Variants in COL4A4 observed in about 807,000 individuals in gnomAD.
The protein encoded by COL4A4 is collagen alpha-4(IV) chain.
Under a neutral mutation model 192.9 loss-of-function variants are expected in COL4A4, and 105 were observed. The observed-to-expected ratio is 0.54, with a 90% CI of 0.46 to 0.64. COL4A4 has a LOEUF of 0.64. Among genes scored for constraint, COL4A4 ranks in the 30% least tolerant of loss-of-function variants. The probability of loss-of-function intolerance (pLI) is 0.00; values close to 1 mark genes in which losing one functional copy is unlikely to be tolerated. For missense variants in COL4A4, 1,967 were observed against 2,169.3 expected (o/e 0.91, Z 1.85); for synonymous variants, 762 against 769.9 (o/e 0.99, Z 0.17).
chr2:227,157,289 C>A (rs923721615), intron 1 of COL4A4, among the ~76,000 whole-genome samples: 7 of 152,014 alleles, frequency 4.6e-5, no homozygotes, highest in African/African-American at 1.7e-4. Flanking sequence ...TTATAGGATG[C>A]AACTAACCCA....
chr2:227,030,348 G>T, intron 41 of COL4A4, 95 bp downstream of exon 41: 1 of 1,354,662 alleles, frequency 7.4e-7, no homozygotes, highest in South Asian at 1.2e-5. Context: ...CACTTTGTTT[G>T]CATAGGAAAT....
chr2:227,069,810 C>T (rs1261730198), intron 25 of COL4A4, among the ~76,000 whole-genome samples: 2 of 151,076 alleles, frequency 1.3e-5, no homozygotes, highest in Non-Finnish European at 3.0e-5. Flanking sequence ...TAGGCATGGG[C>T]AAGGACTTCA....
chr2:227,113,421 A>G (rs1261380909), intron 8 of COL4A4, among the ~76,000 whole-genome samples: 1 of 152,178 alleles, frequency 6.6e-6, no homozygotes, highest in Non-Finnish European at 1.5e-5. Flanking sequence ...CCACAATTAC[A>G]AAAAAATGCT....
chr2:227,096,764 T>C (rs2060224953), intron 19 of COL4A4, among the ~76,000 whole-genome samples: 1 of 152,208 alleles, frequency 6.6e-6, no homozygotes, highest in Non-Finnish European at 1.5e-5. Flanking sequence ...TTCTAGTTCA[T>C]AGTGCAAATG....
In COL4A4 at chr2:227,032,072, TC is replaced by T; in HGVS notation, c.3707-18del. On this transcript the variant is annotated intron_variant, in intron 39 of 47. Transcript: ENST00000396625. ...CTGAACTCCCTAAGAAGAGACATGT[TC>T]ACATGTTATCCTCATTGCATTTGGA... 1 of 1,613,218 alleles carries T rather than the reference TC, an allele frequency of 6.2e-7. No homozygotes were observed. The highest frequency in any genetic ancestry group is 8.5e-7 in the Non-Finnish European group (1 of 1,179,134).
Position 227,119,883 on chromosome 2 carries a change from A to G in COL4A4, c.372+12T>C, listed in dbSNP as rs761455430. 1.9e-6 allele frequency: 3 copies of G among 1,574,870 alleles called. No individual in the cohort carries two copies. Among genetic ancestry groups the G allele is most frequent in the South Asian group, 1.2e-5 (1 of 82,358 alleles). ...TTTTTGAAAAAAGTGGAGAAAATTT[A>G]GGGATACTTACAGGTATGCCATCTA... On this transcript the variant is annotated intron_variant, in intron 6 of 47. Transcript: ENST00000396625.
At chr2:227,052,243 A>T in intron 32 of COL4A4, 62 bp downstream of exon 32, 1 of 1,030,504 alleles carries the variant, frequency 9.7e-7, no homozygotes, top group Non-Finnish European at 1.5e-6. Flanking sequence ...AAGTTGCCTA[A>T]CAAATGTGAT....
chr2:227,002,212 A>C (rs1245908735), downstream of COL4A4, among the ~76,000 whole-genome samples: 2 of 151,530 alleles, frequency 1.3e-5, no homozygotes, highest in African/African-American at 4.9e-5. Flanking sequence ...CAGTTATTGA[A>C]TATCTGCACT....
At chr2:226,996,565 T>C in the COL4A4 span, 1 of 152,220 alleles carries the variant, frequency 6.6e-6, no homozygotes, top group Non-Finnish European at 1.5e-5. Context: ...AGAGATATTT[T>C]AAAAGAGAGA....
intron 25 of COL4A4, among the ~76,000 whole-genome samples, chr2:227,065,616 C>T (rs1216898068): frequency 6.6e-6 from 1 of 152,194 alleles, no homozygotes; most frequent in Non-Finnish European, 1.5e-5. Flanking sequence ...CCAGCAGGGG[C>T]AGACTGACAC....
chr2:227,041,873 A>G (rs1576028576), intron 37 of COL4A4, among the ~76,000 whole-genome samples: 1 of 141,884 alleles, frequency 7.0e-6, no homozygotes, highest in African/African-American at 2.8e-5. Context: ...AAAGAAAGAA[A>G]GAAAGAAAGA....
chr2:227,008,266 G>A lies in COL4A4; in HGVS notation c.4561C>T (p.Pro1521Ser). 6.2e-7 allele frequency: 1 copy of A among 1,614,266 alleles called. No individual in the cohort carries two copies. The highest frequency in any genetic ancestry group is 8.5e-7 in the Non-Finnish European group (1 of 1,180,046). The change falls in exon 47 of 48, where the codon CCC (proline) becomes TCC (serine). Residue 1521 changes from proline to serine, a missense_variant. By Grantham distance (74) the Pro-to-Ser change is moderately conservative. Coordinates refer to ENST00000396625, the MANE Select transcript of COL4A4 (RefSeq NM_000092.5). Reference protein sequence around the residue: ...GSCLPVFSTLPFAYCNIHQVC... With the variant: ...GSCLPVFSTLSFAYCNIHQVC... Reference sequence around the variant, plus strand: ...TGGTGGATGTTGCAGTAGGCAAAGGGCAGCGTGCTAAATACGGGAAGGCAA... The same window carrying A: ...TGGTGGATGTTGCAGTAGGCAAAGGACAGCGTGCTAAATACGGGAAGGCAA...
chr2:227,029,573 G>C (rs1401024682), intron 41 of COL4A4, among the ~76,000 whole-genome samples: 1 of 152,134 alleles, frequency 6.6e-6, no homozygotes. Flanking sequence ...ACTCAGGCAA[G>C]GTGCTCGTTA....
Position 227,023,237 on chromosome 2 carries a change from T to A in COL4A4, c.4091-1064A>T, listed in dbSNP as rs538945125. On this transcript the variant is annotated intron_variant, in intron 43 of 47. Transcript: ENST00000396625. ...GGGTGGATCACTTGAGATCAGGAGT[T>A]TGAGACCAGCCTGGCCAACATGGTG... 4.0e-3 allele frequency among the ~76,000 whole-genome samples: 601 copies of A among 151,536 alleles called. 3 individuals are homozygous for A. The highest frequency in any genetic ancestry group is 0.014 in the African/African-American group (564 of 41,260).
At chr2:227,071,750 C>G (rs748932771) in intron 25 of COL4A4, among the ~76,000 whole-genome samples, 2 of 152,068 alleles carry the variant, frequency 1.3e-5, no homozygotes, top group Non-Finnish European at 2.9e-5. Context: ...AAGGAACCCT[C>G]AAAATTATAC....
At chr2:226,988,276 TGTAA>T in the COL4A4 span, 1 of 1,516,238 alleles carries the variant, frequency 6.6e-7, no homozygotes, top group South Asian at 1.3e-5. Context: ...AGGAGGCCAC[TGTAA>T]GTCTCTTCCC....
At chr2:227,050,280 C>T in intron 33 of COL4A4, 149 bp from the exon 34 acceptor site, 2 of 716,608 alleles carry the variant, frequency 2.8e-6, no homozygotes, top group South Asian at 3.0e-5. Flanking sequence ...AAGCCTCCCA[C>T]TACATGTATC....
chr2:226,978,200 C>T, the COL4A4 span, among the ~76,000 whole-genome samples: 10 of 152,328 alleles, frequency 6.6e-5, no homozygotes, highest in Admixed American at 6.5e-4. Flanking sequence ...GACTAAACAG[C>T]AACACATTTT....
intron 45 of COL4A4, 76 bp downstream of exon 45, chr2:227,012,105 C>A: frequency 8.2e-7 from 1 of 1,220,992 alleles, no homozygotes; most frequent in East Asian, 2.3e-5. Context: ...TGGAAAGCCA[C>A]TTGAGAGATC....
Sources: gnomAD v4.1 joint callset for allele counts (sites outside exome capture counted in the v4.1 genomes callset) on GRCh38, gnomAD v4.1.1 for gene constraint, MANE v1.5 for transcripts, NCBI Gene and HGNC (gene_info 2026-07-23, HGNC 2026-07-21) for gene names.